The following ROR2 variants were observed in gnomAD, a reference collection of about 807,000 sequenced individuals.
ROR2 encodes the protein tyrosine-protein kinase transmembrane receptor ROR2.
A neutral mutation model predicts 74.9 loss-of-function variants in ROR2; 33 were observed. That is an observed-to-expected ratio of 0.44 (90% confidence interval 0.33 to 0.59). The LOEUF (loss-of-function observed/expected upper bound fraction) is 0.59, where lower values mean the gene tolerates loss of function less well. Ranked by LOEUF, ROR2 falls within the 20% of genes least tolerant of loss-of-function variation. ROR2 has a pLI of 0.02. For missense variants in ROR2, 1,216 were observed against 1,313.8 expected, an observed-to-expected ratio of 0.93 and a Z score of 1.15; for synonymous variants, 586 against 558.7, an observed-to-expected ratio of 1.05 and a Z score of -0.69.
chr9:91,787,869 A>G (rs1450196376), intron 1 of ROR2, among the ~76,000 whole-genome samples: 5 of 152,168 alleles, frequency 3.3e-5, no homozygotes, highest in African/African-American at 1.2e-4. Context: ...ACAGACAAAC[A>G]CTTTATCAGC....
chr9:91,853,613 C>T (rs1829182608), intron 1 of ROR2, among the ~76,000 whole-genome samples: 1 of 152,138 alleles, frequency 6.6e-6, no homozygotes. Context: ...GGCAGTGCTC[C>T]TGAGACCAAG....
intron 1 of ROR2, among the ~76,000 whole-genome samples, chr9:91,913,069 C>G (rs143014651): frequency 0.077 from 11,673 of 152,122 alleles, 654 homozygotes; most frequent in Non-Finnish European, 0.11. Context: ...GCAGAGGTTG[C>G]AGTGAGTCGA....
chr9:91,814,184 C>T (rs1009809440), intron 1 of ROR2, among the ~76,000 whole-genome samples: 4 of 152,086 alleles, frequency 2.6e-5, no homozygotes, highest in East Asian at 1.9e-4. Flanking sequence ...GGACACCCTG[C>T]CTCTGAACAT....
chr9:91,832,977 C>T (rs1828508920), intron 1 of ROR2, among the ~76,000 whole-genome samples: 3 of 152,160 alleles, frequency 2.0e-5, no homozygotes, highest in Admixed American at 2.0e-4. Flanking sequence ...GTCAGCACAG[C>T]CCTCCTGGGT....
intron 1 of ROR2, among the ~76,000 whole-genome samples, chr9:91,822,200 C>A (rs1828158907): frequency 6.6e-6 from 1 of 152,192 alleles, no homozygotes; most frequent in Non-Finnish European, 1.5e-5. Context: ...CATGTTTTCT[C>A]CTGGAGCTGG....
chr9:91,848,781 A>G (rs928958229), intron 1 of ROR2, among the ~76,000 whole-genome samples: 1 of 140,612 alleles, frequency 7.1e-6, no homozygotes, highest in South Asian at 2.3e-4. Context: ...AAAAAAAAAA[A>G]AAAAACAGTT....
intron 1 of ROR2, among the ~76,000 whole-genome samples, chr9:91,837,681 T>TGTTAA (rs2119205816): frequency 6.6e-6 from 1 of 152,336 alleles, no homozygotes; most frequent in African/African-American, 2.4e-5. Context: ...ATTTTCAAGA[T>TGTTAA]GTTTAACGTG....
At chr9:91,864,696 G>A (rs987587768) in intron 1 of ROR2, among the ~76,000 whole-genome samples, 10 of 152,226 alleles carry the variant, frequency 6.6e-5, no homozygotes, top group African/African-American at 2.4e-4. Context: ...ATGCTGGCAT[G>A]TCAGAAGGGA....
At chr9:91,732,729 C>T (rs1477605070) in intron 6 of ROR2, among the ~76,000 whole-genome samples, 3 of 152,200 alleles carry the variant, frequency 2.0e-5, no homozygotes, top group Non-Finnish European at 4.4e-5. Flanking sequence ...GGCCCGAGTG[C>T]GTGCTGACCG....
chr9:91,874,333 C>T (rs1216685624), intron 1 of ROR2, among the ~76,000 whole-genome samples: 1 of 152,218 alleles, frequency 6.6e-6, no homozygotes, highest in African/African-American at 2.4e-5. Context: ...ACACGTGTCC[C>T]AGGACTCAAC....
intron 2 of ROR2, among the ~76,000 whole-genome samples, chr9:91,775,265 A>G (rs1326678102): frequency 6.6e-6 from 1 of 152,216 alleles, no homozygotes; most frequent in Non-Finnish European, 1.5e-5. Flanking sequence ...TCCGGGGGAA[A>G]CTTGTTCTAT....
At chr9:91,817,869 G>A (rs1253218541) in intron 1 of ROR2, among the ~76,000 whole-genome samples, 1 of 152,050 alleles carries the variant, frequency 6.6e-6, no homozygotes, top group East Asian at 1.9e-4. Context: ...AGGAGAGGGA[G>A]GGGAAGGGGC....
chr9:91,886,331 C>A (rs1235207724), intron 1 of ROR2, among the ~76,000 whole-genome samples: 1 of 152,152 alleles, frequency 6.6e-6, no homozygotes, highest in Non-Finnish European at 1.5e-5. Flanking sequence ...TCTCCCCCTC[C>A]CCTCGCCATT....
At chr9:91,900,221 G>A (rs1414525597) in intron 1 of ROR2, among the ~76,000 whole-genome samples, 2 of 152,164 alleles carry the variant, frequency 1.3e-5, no homozygotes, top group African/African-American at 2.4e-5. Flanking sequence ...CCAGGGGGTG[G>A]GGGGCAGGGC....
intron 1 of ROR2, among the ~76,000 whole-genome samples, chr9:91,925,668 T>G (rs1197880478): frequency 6.6e-6 from 1 of 152,122 alleles, no homozygotes; most frequent in Non-Finnish European, 1.5e-5. Context: ...AACCAACAGA[T>G]GGATAATCCA....
intron 1 of ROR2, among the ~76,000 whole-genome samples, chr9:91,812,400 C>A (rs940854653): frequency 6.6e-6 from 1 of 151,720 alleles, no homozygotes; most frequent in African/African-American, 2.4e-5. Context: ...GCGCGGGGGC[C>A]GGGCATGTGG....
At chr9:91,923,192 T>C (rs1831316199) in intron 1 of ROR2, among the ~76,000 whole-genome samples, 1 of 152,208 alleles carries the variant, frequency 6.6e-6, no homozygotes, top group Non-Finnish European at 1.5e-5. Context: ...AAAGTACTTA[T>C]GACTGGCCAA....
At chr9:91,948,092 T>C (rs1045914957) in intron 1 of ROR2, among the ~76,000 whole-genome samples, 2 of 152,180 alleles carry the variant, frequency 1.3e-5, no homozygotes, top group Admixed American at 1.3e-4. Flanking sequence ...ACTATGAGTG[T>C]TTAAATTCCT....
chr9:91,901,825 GA>G (rs368777109), intron 1 of ROR2, among the ~76,000 whole-genome samples: 215 of 135,386 alleles, frequency 1.6e-3, no homozygotes, highest in Middle Eastern at 3.6e-3. Flanking sequence ...AGAGTGCTCT[GA>G]AAAAAAAAAA....
Sources: allele counts gnomAD v4.1 joint callset (sites outside exome capture counted in the v4.1 genomes callset), GRCh38; gene constraint gnomAD v4.1.1; transcripts MANE v1.5; gene names NCBI Gene and HGNC (gene_info 2026-07-23, HGNC 2026-07-21).